Variants in NUP160 observed in about 807,000 individuals in gnomAD.
NUP160 encodes nucleoporin 160.
NUP160 carries 94 observed loss-of-function variants against 196.9 expected under a neutral mutation model. That is an observed-to-expected ratio of 0.48 (90% CI 0.40 to 0.57). The LOEUF (loss-of-function observed/expected upper bound fraction) is 0.57, where lower values mean the gene tolerates loss of function less well. Among genes scored for constraint, NUP160 ranks in the 20% least tolerant of loss-of-function variants. NUP160 has a pLI of 0.00. For missense variants in NUP160, 1,638 were observed against 1,748.3 expected (o/e 0.94, Z 1.13); for synonymous variants, 605 against 619.7 (o/e 0.98, Z 0.35).
At chr11:47,789,791 G>T (rs1350291418) in intron 29 of NUP160, among the ~76,000 whole-genome samples, 1 of 151,844 alleles carries the variant, frequency 6.6e-6, no homozygotes, top group Non-Finnish European at 1.5e-5. Flanking sequence ...GAACAATGCA[G>T]GGTTTAGGGA....
intron 27 of NUP160, among the ~76,000 whole-genome samples, chr11:47,793,722 GTTTTTTTTTTTTTTTTTTTTTT>G (rs750497969): frequency 3.4e-5 from 3 of 87,644 alleles, no homozygotes; most frequent in East Asian, 3.2e-4. Context: ...TAAGATATCT[GTTTTTTTTTTTTTTTTTTTTTT>G]TTTTTTTTTT....
chr11:47,837,691 A>G lies in NUP160; in HGVS notation c.749-68T>C, dbSNP rs1194352367. 11 of 1,188,348 alleles carry G rather than the reference A, an allele frequency of 9.3e-6. No homozygotes were observed. In the Admixed American group the frequency reaches 1.7e-4, roughly 18 times the overall value. The allele number at this position is 1,188,348 out of a possible 1,614,324, so 73.6% of individuals were successfully genotyped here. On this transcript the variant is annotated intron_variant, in intron 4 of 35. Transcript: ENST00000378460. Reference sequence around the variant, plus strand: ...ACCCAAAGGCAAGAATGATGTAACCATGAACAAGGTCTTTATAATAGGCAA... The same window carrying G: ...ACCCAAAGGCAAGAATGATGTAACCGTGAACAAGGTCTTTATAATAGGCAA...
intron 7 of NUP160, among the ~76,000 whole-genome samples, chr11:47,833,510 T>C (rs923660460): frequency 1.3e-5 from 2 of 150,768 alleles, no homozygotes; most frequent in African/African-American, 2.4e-5. Context: ...GGAAAACAAA[T>C]GACAGTATTT....
intron 7 of NUP160, among the ~76,000 whole-genome samples, chr11:47,824,027 A>ACATATATATATATATATG (rs1851916740): frequency 8.5e-6 from 1 of 117,668 alleles, no homozygotes; most frequent in African/African-American, 3.1e-5. Context: ...ATATATATAT[A>ACATATATATATATATATG]TATATATATA....
At chr11:47,814,408 G>A (rs891034488) in intron 13 of NUP160, among the ~76,000 whole-genome samples, 1 of 152,038 alleles carries the variant, frequency 6.6e-6, no homozygotes, top group Non-Finnish European at 1.5e-5. Context: ...CAGGTGTGGT[G>A]GCGCGTGCCT....
intron 22 of NUP160, among the ~76,000 whole-genome samples, chr11:47,802,766 G>A (rs2097674980): frequency 6.6e-6 from 1 of 152,074 alleles, no homozygotes. Flanking sequence ...CTTGAGCCCA[G>A]GAGTTCGTGA....
intron 29 of NUP160, among the ~76,000 whole-genome samples, chr11:47,790,207 A>G (rs1052685356): frequency 1.3e-5 from 2 of 151,732 alleles, no homozygotes; most frequent in East Asian, 1.9e-4. Context: ...TGGCCTCCCA[A>G]TGTGCTGGGA....
intron 12 of NUP160, 106 bp from the exon 13 acceptor site, chr11:47,815,755 G>T: frequency 9.5e-7 from 1 of 1,048,212 alleles, no homozygotes; most frequent in Non-Finnish European, 1.4e-6. Flanking sequence ...ACAGCCAAAT[G>T]AATATTCCTT....
intron 11 of NUP160, among the ~76,000 whole-genome samples, chr11:47,816,781 G>GA (rs11347850): frequency 1.4e-5 from 2 of 140,868 alleles, no homozygotes; most frequent in African/African-American, 5.2e-5. Context: ...GCCTCAAAGG[G>GA]AAAAAAAAAA....
chr11:47,792,999 T>C, intron 27 of NUP160, 53 bp from the exon 28 acceptor site: 1 of 1,528,170 alleles, frequency 6.5e-7, no homozygotes, highest in Non-Finnish European at 8.9e-7. Context: ...TTTTTTCTTT[T>C]TTTTGGAGAC....
At chr11:47,800,209 G>A (rs989517576) in intron 23 of NUP160, among the ~76,000 whole-genome samples, 4 of 147,690 alleles carry the variant, frequency 2.7e-5, no homozygotes, top group African/African-American at 1.0e-4. Flanking sequence ...AGCCCAGATC[G>A]CACTACTGCA....
At chr11:47,821,632 T>C (rs1851859399) in intron 9 of NUP160, 92 bp downstream of exon 9, 2 of 900,538 alleles carry the variant, frequency 2.2e-6, no homozygotes, top group Non-Finnish European at 3.6e-6. Context: ...AGTGTTAGGA[T>C]TACAGGCATG....
At chr11:47,779,442 AGT>A in intron 35 of NUP160, 1 of 488,140 alleles carries the variant, frequency 2.0e-6, no homozygotes, top group Non-Finnish European at 3.8e-6. Flanking sequence ...AAATCGTACC[AGT>A]ATTTCTAATA....
chr11:47,840,712 G>A, intron 2 of NUP160, 124 bp from the exon 3 acceptor site: 2 of 667,878 alleles, frequency 3.0e-6, no homozygotes, highest in Non-Finnish European at 4.9e-6. Flanking sequence ...AAACAGATTT[G>A]GACCACTTTT....
chr11:47,837,549 T>A, exon 5 of NUP160: 1 of 1,613,860 alleles, frequency 6.2e-7, no homozygotes, highest in Non-Finnish European at 8.5e-7. Flanking sequence ...ACTCACCTGA[T>A]AGCTGTTGGC....
intron 28 of NUP160, chr11:47,792,349 G>C: frequency 4.2e-6 from 1 of 240,776 alleles, no homozygotes; most frequent in Non-Finnish European, 7.9e-6. Context: ...AGTAACTGTA[G>C]ACTGCATTAA....
At chr11:47,838,901 G>A (rs1006419174) in intron 4 of NUP160, among the ~76,000 whole-genome samples, 6 of 151,572 alleles carry the variant, frequency 4.0e-5, no homozygotes, top group African/African-American at 1.5e-4. Context: ...CTGCTCAGGA[G>A]ACTGATGCAG....
intron 6 of NUP160, 68 bp downstream of exon 6, chr11:47,836,819 A>C (rs1852184901): frequency 5.1e-6 from 5 of 977,538 alleles, no homozygotes; most frequent in Non-Finnish European, 8.0e-6. Flanking sequence ...GAAACAGCAA[A>C]ATTTACTTCA....
At chr11:47,816,781 G>GAAAAAA (rs11347850) in intron 11 of NUP160, among the ~76,000 whole-genome samples, 1 of 140,872 alleles carries the variant, frequency 7.1e-6, no homozygotes, top group African/African-American at 2.6e-5. Flanking sequence ...GCCTCAAAGG[G>GAAAAAA]AAAAAAAAAA....
Sources: allele counts gnomAD v4.1 joint callset (sites outside exome capture counted in the v4.1 genomes callset), GRCh38; gene constraint gnomAD v4.1.1; transcripts MANE v1.5; gene names NCBI Gene and HGNC (gene_info 2026-07-23, HGNC 2026-07-21).